Variants in POU2F3 observed in about 807,000 individuals in gnomAD.
The protein encoded by POU2F3 is POU class 2 homeobox 3.
Under a neutral mutation model 59.2 loss-of-function variants are expected in POU2F3, and 23 were observed. The ratio of observed to expected loss-of-function variants is 0.39; its 90% confidence interval spans 0.28 to 0.55. The LOEUF is 0.55. Among genes scored for constraint, POU2F3 ranks in the 20% least tolerant of loss-of-function variants. The pLI, the probability that POU2F3 is intolerant of heterozygous loss-of-function variation, is 0.66. For synonymous variants in POU2F3, 190 were observed against 214.6 expected, an observed-to-expected ratio of 0.89 and a Z score of 1.00; for missense variants, 473 against 544.5, an observed-to-expected ratio of 0.87 and a Z score of 1.31.
intron 6 of POU2F3, 57 bp from the exon 7 acceptor site, chr11:120,304,972 TC>T: frequency 2.7e-6 from 1 of 374,004 alleles, no homozygotes; most frequent in Non-Finnish European, 4.4e-6. Context: ...AAAAAAAAAA[TC>T]AGAAAATGTT....
At chr11:120,240,116 C>T, upstream of POU2F3, 1 of 1,161,346 alleles carries the variant, frequency 8.6e-7, no homozygotes, top group Non-Finnish European at 1.1e-6. Flanking sequence ...CGGCCCCCGC[C>T]CCGCGCCGCG....
intron 3 of POU2F3, among the ~76,000 whole-genome samples, chr11:120,295,924 G>A (rs181880472): frequency 1.4e-4 from 21 of 152,270 alleles, no homozygotes; most frequent in Non-Finnish European, 2.6e-4. Flanking sequence ...CCCTGAAACA[G>A]CCATCTTCTT....
chr11:120,299,976 G>C (rs1439841724), intron 5 of POU2F3, among the ~76,000 whole-genome samples: 1 of 152,134 alleles, frequency 6.6e-6, no homozygotes, highest in African/African-American at 2.4e-5. Context: ...CCTCAATTTC[G>C]TGGTGAGTGG....
chr11:120,270,076 T>G (rs2135197479), intron 3 of POU2F3, among the ~76,000 whole-genome samples: 1 of 152,190 alleles, frequency 6.6e-6, no homozygotes, highest in East Asian at 1.9e-4. Context: ...AAACACAAAC[T>G]TAGAAAGCCT....
chr11:120,243,111 G>A (rs1382903396), intron 1 of POU2F3, among the ~76,000 whole-genome samples: 1 of 152,166 alleles, frequency 6.6e-6, no homozygotes, highest in African/African-American at 2.4e-5. Context: ...CCTGATGATG[G>A]GACTGAGAAG....
In POU2F3 at chr11:120,285,864, A is replaced by C. The variant is rs1439414870; in HGVS notation, c.133-12401A>C. Among the ~76,000 whole-genome samples the C allele has an allele frequency of 6.6e-6, 1 of 150,942 alleles. No individual in the cohort carries two copies. The highest frequency in any genetic ancestry group is 1.5e-5 in the Non-Finnish European group (1 of 67,880). On this transcript the variant is annotated intron_variant, in intron 3 of 12. Coordinates refer to ENST00000543440, the MANE Select transcript of POU2F3 (RefSeq NM_014352.4). The surrounding 1 kb of genome is among the most constrained non-coding windows in gnomAD (Gnocchi z 4.3). ...ATATGATTTTTGTTAATGACCACAT[A>C]ATGTTCTATTGTTTGGGGGTTTTTC...
intron 3 of POU2F3, among the ~76,000 whole-genome samples, chr11:120,292,728 T>A (rs1273955361): frequency 1.3e-5 from 2 of 152,140 alleles, no homozygotes; most frequent in Non-Finnish European, 2.9e-5. Context: ...ATGCTGCAGG[T>A]GTCTCAGGAG....
chr11:120,253,409 G>A (rs1939201394), intron 2 of POU2F3, among the ~76,000 whole-genome samples: 1 of 152,094 alleles, frequency 6.6e-6, no homozygotes, highest in African/African-American at 2.4e-5. Context: ...ACAGGCATGT[G>A]CCACCATGCC....
intron 3 of POU2F3, among the ~76,000 whole-genome samples, chr11:120,289,624 C>T (rs1009965661): frequency 2.6e-5 from 4 of 152,132 alleles, no homozygotes; most frequent in Non-Finnish European, 4.4e-5. Context: ...GAGAAAGCCC[C>T]GTTTCACCCT....
At chr11:120,300,234 G>A (rs765742899) in intron 5 of POU2F3, among the ~76,000 whole-genome samples, 6 of 152,214 alleles carry the variant, frequency 3.9e-5, no homozygotes, top group Non-Finnish European at 7.3e-5. Flanking sequence ...CCCTGGCCAA[G>A]AGCAAATAGA....
chr11:120,306,877 A>G (rs577687418), intron 8 of POU2F3, among the ~76,000 whole-genome samples: 1 of 152,290 alleles, frequency 6.6e-6, no homozygotes, highest in African/African-American at 2.4e-5. Context: ...AGGTCTTCGA[A>G]TCTCTGGGGA....
rs1328678120 is a variant in POU2F3 at position 120,285,099 on chromosome 11, T to C, written c.133-13166T>C. ...GTAATGAAACGAAGGTCAGAGTCGG[T>C]GATGTTAGTTACTTTACTATTCTTA... On this transcript the variant is annotated intron_variant, in intron 3 of 12. Transcript: ENST00000543440. This position sits in a 1 kb window ranked among gnomAD's most constrained non-coding sequence, Gnocchi z 4.3. Among the ~76,000 whole-genome samples the C allele has an allele frequency of 6.6e-6, 1 of 152,248 alleles. No individual in the cohort carries two copies.
At chr11:120,308,146 A>G (rs1046290126) in intron 9 of POU2F3, among the ~76,000 whole-genome samples, 4 of 152,206 alleles carry the variant, frequency 2.6e-5, no homozygotes, top group African/African-American at 9.6e-5. Context: ...GATACTTGTG[A>G]TCGTGTTATA....
At chr11:120,284,947 A>G (rs954248807) in intron 3 of POU2F3, among the ~76,000 whole-genome samples, 1 of 152,204 alleles carries the variant, frequency 6.6e-6, no homozygotes, top group African/African-American at 2.4e-5. Context: ...TATTCATAAT[A>G]TAATGTCTTT....
intron 3 of POU2F3, among the ~76,000 whole-genome samples, chr11:120,289,495 C>G (rs2135259043): frequency 6.6e-6 from 1 of 152,230 alleles, no homozygotes; most frequent in South Asian, 2.1e-4. Flanking sequence ...TCCACCATGC[C>G]CTCAGAGTCC....
chr11:120,279,327 T>A (rs1431504471), intron 3 of POU2F3, among the ~76,000 whole-genome samples: 2 of 152,192 alleles, frequency 1.3e-5, no homozygotes, highest in Non-Finnish European at 2.9e-5. Context: ...TTCCTAGGGA[T>A]GGCGTAAGAA....
chr11:120,267,063 T>G (rs1939854239), intron 2 of POU2F3, among the ~76,000 whole-genome samples: 1 of 152,142 alleles, frequency 6.6e-6, no homozygotes. Flanking sequence ...AATTTTACCT[T>G]CATCTACCCC....
At chr11:120,305,395 G>A in intron 7 of POU2F3, 183 bp downstream of exon 7, 1 of 893,038 alleles carries the variant, frequency 1.1e-6, no homozygotes, top group Non-Finnish European at 1.6e-6. Flanking sequence ...CGTTGCTGGT[G>A]GAGGAGAATG....
intron 2 of POU2F3, among the ~76,000 whole-genome samples, chr11:120,254,549 TAGG>T (rs930316977): frequency 6.6e-5 from 10 of 152,104 alleles, no homozygotes; most frequent in Middle Eastern, 3.2e-3. Flanking sequence ...TAGGACTGTC[TAGG>T]AGGTGAAGAA....
Sources: allele counts gnomAD v4.1 joint callset (sites outside exome capture counted in the v4.1 genomes callset), GRCh38; gene constraint gnomAD v4.1.1; non-coding constraint Gnocchi (gnomAD v3.1); transcripts MANE v1.5; gene names NCBI Gene and HGNC (gene_info 2026-07-23, HGNC 2026-07-21).